The following DNAH14 variants were observed in gnomAD, a reference collection of about 807,000 sequenced individuals.
The protein encoded by DNAH14 is axonemal beta dynein heavy chain 14.
Under a neutral mutation model 520.9 loss-of-function variants are expected in DNAH14, and 478 were observed. The ratio of observed to expected loss-of-function variants is 0.92; its 90% confidence interval spans 0.85 to 0.99. DNAH14 has a LOEUF of 0.99. Ranked by LOEUF, DNAH14 falls within the 50% of genes least tolerant of loss-of-function variation. The pLI, the probability that DNAH14 is intolerant of heterozygous loss-of-function variation, is 0.00. For missense variants in DNAH14, 4,831 were observed against 5,234.5 expected (o/e 0.92, Z 2.38); for synonymous variants, 1,581 against 1,757.2 (o/e 0.90, Z 2.51).
chr1:225,303,063 A>G, intron 56 of DNAH14, 93 bp from the exon 57 acceptor site: 1 of 995,786 alleles, frequency 1.0e-6, no homozygotes. Flanking sequence ...CTAAGGAAAG[A>G]TCTGAAATAT....
At position 225,144,481 on chromosome 1, in the gene DNAH14, C is replaced by G. The variant is rs1418751041; in HGVS notation, c.4593C>G (p.Tyr1531Ter). 6.4e-7 allele frequency: 1 copy of G among 1,551,492 alleles called. No individual in the cohort carries two copies. Among genetic ancestry groups the G allele is most frequent in the Admixed American group, 2.0e-5 (1 of 50,946 alleles). Residue 1531 changes from tyrosine (Y) to a stop codon, truncating the protein, a stop_gained, in exon 29 of 86, where the codon TAC becomes TAG. Transcript: ENST00000682510. LOFTEE classifies it high-confidence loss of function. ...CCAGCTTTACTTATGGCTATGAGTA[C>G]TTGGGCTGTACCTCAAGATTGGTTA... ...GNASFTYGYE[Y>*]LGCTSRLVIT...
intron 35 of DNAH14, among the ~76,000 whole-genome samples, chr1:225,165,824 G>A (rs551826769): frequency 1.9e-4 from 29 of 151,936 alleles, no homozygotes; most frequent in African/African-American, 5.3e-4. Context: ...GGCTCAAGCC[G>A]TCCGTCTGCC....
chr1:225,023,990 G>A lies in DNAH14; in HGVS notation c.1358+125G>A, dbSNP rs1274137080. 2.8e-6 allele frequency: 4 copies of A among 1,409,394 alleles called. No homozygotes were observed. The African/African-American group carries it at 4.3e-5, about 15-fold the overall frequency. The allele number at this position is 1,409,394 out of a possible 1,614,324, so 87.3% of individuals were successfully genotyped here. A position where few individuals can be genotyped will look rare whatever the true frequency, so the allele number is the denominator to read the frequency against. The stretch of plus-strand genomic sequence containing the variant: ...AAATTCTCCTTGTGGCAGAGTACAT[G>A]TACTCATTTTTGCTATTAACAGAAC... On this transcript the variant is annotated intron_variant, in intron 11 of 85. Transcript: ENST00000682510.
intron 8 of DNAH14, among the ~76,000 whole-genome samples, chr1:225,000,175 A>G (rs545745066): frequency 6.6e-6 from 1 of 152,334 alleles, no homozygotes; most frequent in South Asian, 2.1e-4. Flanking sequence ...TTTGCTAGAT[A>G]TAGGATTCTG....
At position 224,929,844 on chromosome 1, in the gene DNAH14, G is replaced by C. The variant is rs1462162272; in HGVS notation, c.-34+9G>C. The C allele has an allele frequency of 2.9e-6, 2 of 683,276 alleles. No homozygotes were observed. Among genetic ancestry groups the C allele is most frequent in the South Asian group, 1.5e-5 (1 of 66,138 alleles). 42.3% of individuals were successfully genotyped at this position (683,276 alleles called of 1,614,324 possible). A position where few individuals can be genotyped will look rare whatever the true frequency, so the allele number is the denominator to read the frequency against. On this transcript the variant is annotated intron_variant, in intron 1 of 85. Transcript: ENST00000682510. ...GGACCACGGCGCGGCGGGTAAGGTC[G>C]TCAGCGTCTTCCTGTCAGCGGTCGG... is the stretch of plus-strand genomic sequence containing the variant.
chr1:225,097,431 T>C (rs1331959926), intron 22 of DNAH14, among the ~76,000 whole-genome samples, 192 bp downstream of exon 22: 2 of 152,166 alleles, frequency 1.3e-5, no homozygotes, highest in African/African-American at 4.8e-5. Flanking sequence ...TAAGCCTTAT[T>C]ACTTGACTAT....
At chr1:225,343,777 C>G (rs1022308204) in intron 69 of DNAH14, among the ~76,000 whole-genome samples, 57 of 126,308 alleles carry the variant, frequency 4.5e-4, no homozygotes, top group African/African-American at 1.8e-3. Context: ...ATGGACAAGG[C>G]TTCTGTATCT....
chr1:225,087,146 GAA>G (rs2073911212), intron 21 of DNAH14, among the ~76,000 whole-genome samples: 1 of 152,142 alleles, frequency 6.6e-6, no homozygotes, highest in Non-Finnish European at 1.5e-5. Context: ...ATAAATAAAA[GAA>G]ATGTATTTGG....
At chr1:225,183,676 T>A (rs1397035254) in intron 36 of DNAH14, among the ~76,000 whole-genome samples, 9 of 132,076 alleles carry the variant, frequency 6.8e-5, no homozygotes, top group African/African-American at 1.2e-4. Context: ...GACCACTAGG[T>A]AGATTAACAA....
intron 8 of DNAH14, among the ~76,000 whole-genome samples, chr1:224,993,947 T>C (rs916853312): frequency 1.3e-5 from 2 of 152,112 alleles, no homozygotes; most frequent in Non-Finnish European, 2.9e-5. Flanking sequence ...TTTTTCGTTG[T>C]GCAAGAACAT....
chr1:225,346,396 G>C lies in DNAH14; in HGVS notation c.11097+16G>C. 6.5e-7 allele frequency: 1 copy of C among 1,527,108 alleles called. No individual in the cohort carries two copies. Among genetic ancestry groups the C allele is most frequent in the Non-Finnish European group, 8.8e-7 (1 of 1,138,588 alleles). The allele number at this position is 1,527,108 out of a possible 1,614,324, so 94.6% of individuals were successfully genotyped here. On this transcript the variant is annotated intron_variant, in intron 70 of 85. Coordinates refer to ENST00000682510, the MANE Select transcript of DNAH14 (RefSeq NM_001367479.1). ...TATTTTTAAGGTGAGATATTCTTTA[G>C]TGTGAATTTTACATGCTTATTTAAT...
intron 21 of DNAH14, among the ~76,000 whole-genome samples, chr1:225,094,477 A>G (rs962614233): frequency 6.6e-6 from 1 of 151,972 alleles, no homozygotes; most frequent in African/African-American, 2.4e-5. Flanking sequence ...AAAATCAACT[A>G]AGCATGGATT....
intron 41 of DNAH14, among the ~76,000 whole-genome samples, chr1:225,224,842 T>A (rs2090389216): frequency 6.6e-6 from 1 of 152,222 alleles, no homozygotes; most frequent in Non-Finnish European, 1.5e-5. Flanking sequence ...CCCATCAATA[T>A]TGTTAGTGAC....
chr1:225,093,925 G>C (rs2148674095), intron 21 of DNAH14, among the ~76,000 whole-genome samples: 1 of 151,926 alleles, frequency 6.6e-6, no homozygotes, highest in South Asian at 2.1e-4. Flanking sequence ...CAGCAAACCA[G>C]GAAAGTGAAA....
chr1:224,989,701 C>T (rs73129894), intron 8 of DNAH14, among the ~76,000 whole-genome samples: 5,436 of 152,152 alleles, frequency 0.036, 306 homozygotes, highest in African/African-American at 0.12. Flanking sequence ...AGACTTTTGT[C>T]AATGCTCTTT....
Position 225,113,571 on chromosome 1 carries a change from G to A in DNAH14, c.3868-4113G>A, listed in dbSNP as rs369324503. Reference sequence around the variant, plus strand: ...GGCTTGTGTTGTTCCCTTAAGAGTAGTGAGTTCCCCCTGGGCCCTGGGTGG... The same window carrying A: ...GGCTTGTGTTGTTCCCTTAAGAGTAATGAGTTCCCCCTGGGCCCTGGGTGG... On this transcript the variant is annotated intron_variant, in intron 23 of 85. Coordinates refer to ENST00000682510, the MANE Select transcript of DNAH14 (RefSeq NM_001367479.1). Among the ~76,000 whole-genome samples the A allele has an allele frequency of 9.2e-5, 14 of 152,192 alleles. No individual in the cohort carries two copies. The East Asian group carries it at 1.9e-3, about 21-fold the overall frequency.
chr1:225,101,929 A>G (rs1240982855), intron 23 of DNAH14, among the ~76,000 whole-genome samples: 1 of 151,454 alleles, frequency 6.6e-6, no homozygotes, highest in African/African-American at 2.4e-5. Flanking sequence ...TTTAGGGTAC[A>G]TGTGCACAAC....
At chr1:225,078,044 A>T (rs1299496721) in intron 17 of DNAH14, among the ~76,000 whole-genome samples, 1 of 152,226 alleles carries the variant, frequency 6.6e-6, no homozygotes, top group Non-Finnish European at 1.5e-5. Flanking sequence ...CCCTTGAAAC[A>T]TGAAAAAATA....
chr1:225,193,789 A>G (rs1412839950), intron 38 of DNAH14, among the ~76,000 whole-genome samples: 1 of 152,116 alleles, frequency 6.6e-6, no homozygotes, highest in Non-Finnish European at 1.5e-5. Flanking sequence ...ATGATTCTAT[A>G]CCTAGAAAAC....
Sources: allele counts gnomAD v4.1 joint callset (sites outside exome capture counted in the v4.1 genomes callset), GRCh38; gene constraint gnomAD v4.1.1; transcripts MANE v1.5; gene names NCBI Gene and HGNC (gene_info 2026-07-23, HGNC 2026-07-21).